The following ADGRV1 variants were observed in gnomAD, a reference collection of about 807,000 sequenced individuals.
ADGRV1 encodes G-protein coupled receptor 98.
Under a neutral mutation model 596.2 loss-of-function variants are expected in ADGRV1, and 359 were observed. The observed-to-expected ratio is 0.60, with a 90% CI of 0.55 to 0.66. The LOEUF (loss-of-function observed/expected upper bound fraction) is 0.66. ADGRV1 is among the 30% of genes least tolerant of loss of function. The pLI is 0.00. For missense variants in ADGRV1, 7,274 were observed against 7,575.6 expected, an observed-to-expected ratio of 0.96 and a Z score of 1.48; for synonymous variants, 2,681 against 2,679.2, an observed-to-expected ratio of 1.00 and a Z score of -0.02.
At chr5:91,154,478 G>A (rs1796305314) in intron 89 of ADGRV1, among the ~76,000 whole-genome samples, 1 of 152,154 alleles carries the variant, frequency 6.6e-6, no homozygotes, top group African/African-American at 2.4e-5. Flanking sequence ...ACCTTCCCAA[G>A]GTTACATAGT....
chr5:91,128,052 A>C (rs143310897), intron 87 of ADGRV1, among the ~76,000 whole-genome samples: 2,451 of 152,026 alleles, frequency 0.016, 29 homozygotes, highest in African/African-American at 0.03. Context: ...GCCTTTGGAC[A>C]TGTTGTCTGA....
rs1759670726 is a variant in ADGRV1 at position 90,788,104 on chromosome 5, G to A, written c.13687G>A (p.Glu4563Lys). Residue 4563 changes from glutamate to lysine, a missense_variant, in exon 68 of 90, where the codon GAA becomes AAA. Transcript: ENST00000405460. ...NWETVGPNSQ[E>K]ALLPQNRDIA... ...GGAGACAGTAGGACCCAACTCTCAA[G>A]AAGCCTTACTGCCACAGAATAGAGA... The A allele has an allele frequency of 6.2e-7, 1 of 1,613,002 alleles. No individual in the cohort carries two copies. Among genetic ancestry groups the A allele is most frequent in the Non-Finnish European group, 8.5e-7 (1 of 1,179,400 alleles).
At chr5:90,997,922 A>G (rs1427234378) in intron 85 of ADGRV1, among the ~76,000 whole-genome samples, 2 of 152,326 alleles carry the variant, frequency 1.3e-5, no homozygotes, top group South Asian at 2.1e-4. Flanking sequence ...GCAGGGGACA[A>G]TAAGTGAGAG....
At chr5:90,661,605 A>G (rs1770307150) in intron 21 of ADGRV1, among the ~76,000 whole-genome samples, 1 of 152,214 alleles carries the variant, frequency 6.6e-6, no homozygotes, top group Admixed American at 6.5e-5. Context: ...CTAAGAAAAT[A>G]GGTTTCAAAA....
rs748741006 is a variant in ADGRV1, at chr5:90,689,887, G to A, written c.6517G>A (p.Asp2173Asn). Residue 2173 changes from aspartate (D) to asparagine (N), a missense_variant, in exon 30 of 90, where the codon GAT becomes AAT. Asp to Asn is a conservative substitution (Grantham distance 23, BLOSUM62 1). Transcript: ENST00000405460. Reference protein sequence around the residue: ...AGEDYSIASSDVVLLEGETSK... With the variant: ...AGEDYSIASSNVVLLEGETSK... ...TGAAGATTATAGTATAGCTTCATCA[G>A]ATGTGGTCTTGCTAGAAGGGGAAAC... 1.6e-5 allele frequency: 25 copies of A among 1,612,840 alleles called. No homozygotes were observed. Among genetic ancestry groups the A allele is most frequent in the Non-Finnish European group, 2.1e-5 (25 of 1,179,278 alleles).
intron 8 of ADGRV1, 54 bp from the exon 9 acceptor site, chr5:90,629,156 G>T: frequency 1.1e-6 from 1 of 938,088 alleles, no homozygotes; most frequent in South Asian, 3.0e-5. Flanking sequence ...TACAGAGTTT[G>T]ATCATCTCAG....
In ADGRV1 at chr5:90,697,145, A is replaced by C. The variant is rs1466124361; in HGVS notation, c.8154A>C (p.Glu2718Asp). 1.2e-6 allele frequency: 2 copies of C among 1,609,812 alleles called. No individual in the cohort carries two copies. Among genetic ancestry groups the C allele is most frequent in the Non-Finnish European group, 1.7e-6 (2 of 1,177,324 alleles). ...CTTCCAGATCTGTCATAGGTCATGA[A>C]GGTGGGTTCCTTTTTTTGTTAAGCA... Reference protein sequence around the residue: ...QTASRSVIGHEGEILQFHVIR... With the variant: ...QTASRSVIGHDGEILQFHVIR... The change falls in exon 34 of 90, where the codon GAA becomes GAC. Residue 2718 changes from glutamate to aspartate, a missense_variant and splice_region_variant. By Grantham distance (45) the Glu-to-Asp change is conservative. Around this residue, in one of 5 missense-constraint regions of ADGRV1, gnomAD observed 3,643 missense variants for 3,809.2 expected, o/e 0.96. Transcript: ENST00000405460.
At chr5:91,072,716 T>G (rs1287514226) in intron 86 of ADGRV1, 112 bp downstream of exon 86, 1 of 1,076,788 alleles carries the variant, frequency 9.3e-7, no homozygotes, top group Non-Finnish European at 1.4e-6. Context: ...CTTTCAGCTC[T>G]GAAGCCACAA....
rs139685821 is a variant in ADGRV1 at position 90,719,756 on chromosome 5, A to G, written c.9448-292A>G. Among the ~76,000 whole-genome samples, 507 of 152,358 alleles carry G rather than the reference A, an allele frequency of 3.3e-3. No homozygotes were observed. Among genetic ancestry groups the G allele is most frequent in the African/African-American group, 0.011 (462 of 41,592 alleles). ...CAAGTTATGTAGCCAGAGCAGGACA[A>G]AAAGTTCACAAAAATGAAGACATAG... On this transcript the variant is annotated intron_variant, in intron 43 of 89. Transcript: ENST00000405460.
At chr5:90,957,925 AATATATC>A (rs1265905344) in intron 83 of ADGRV1, among the ~76,000 whole-genome samples, 1 of 151,928 alleles carries the variant, frequency 6.6e-6, no homozygotes, top group Non-Finnish European at 1.5e-5. Flanking sequence ...TCAAAAGGAT[AATATATC>A]ACAACAGAAT....
intron 59 of ADGRV1, among the ~76,000 whole-genome samples, chr5:90,766,061 C>T (rs1355356830): frequency 2.0e-5 from 3 of 152,190 alleles, no homozygotes; most frequent in Admixed American, 6.5e-5. Context: ...AGGCGCCCGC[C>T]ACCACACCTG....
At chr5:91,049,837 T>G (rs1454859220) in intron 85 of ADGRV1, among the ~76,000 whole-genome samples, 1 of 152,192 alleles carries the variant, frequency 6.6e-6, no homozygotes, top group Non-Finnish European at 1.5e-5. Flanking sequence ...CAGGGCCAAC[T>G]TTAGGGCTTG....
At chr5:90,636,610 T>C (rs1337913235) in intron 10 of ADGRV1, among the ~76,000 whole-genome samples, 2 of 152,224 alleles carry the variant, frequency 1.3e-5, no homozygotes, top group East Asian at 3.9e-4. Flanking sequence ...TTCTTCCCTG[T>C]TGGGAAACAG....
chr5:90,785,150 G>A (rs1759289592), intron 67 of ADGRV1, among the ~76,000 whole-genome samples: 1 of 152,108 alleles, frequency 6.6e-6, no homozygotes, highest in Non-Finnish European at 1.5e-5. Context: ...AACAAGCAAT[G>A]GGGAAAGGAT....
At chr5:90,685,561 C>T (rs1561523840) in intron 28 of ADGRV1, among the ~76,000 whole-genome samples, 2 of 151,700 alleles carry the variant, frequency 1.3e-5, no homozygotes, top group East Asian at 3.9e-4. Flanking sequence ...CTCCAACACT[C>T]CAGCACTCCA....
intron 69 of ADGRV1, 143 bp from the exon 70 acceptor site, chr5:90,790,730 A>G (rs1185547675): frequency 3.4e-6 from 2 of 583,904 alleles, no homozygotes; most frequent in Non-Finnish European, 5.9e-6. Context: ...AAGCTAACAT[A>G]TACTTAGAGA....
At chr5:90,711,938 A>T (rs1342811353) in intron 41 of ADGRV1, among the ~76,000 whole-genome samples, 1 of 151,556 alleles carries the variant, frequency 6.6e-6, no homozygotes, top group Non-Finnish European at 1.5e-5. Context: ...CACCATGCTA[A>T]TTTTTTTTGT....
intron 66 of ADGRV1, 90 bp from the exon 67 acceptor site, chr5:90,783,748 A>G: frequency 1.0e-6 from 1 of 962,206 alleles, no homozygotes; most frequent in Non-Finnish European, 1.5e-6. Context: ...TTGAATATGT[A>G]TGACCAATTT....
intron 83 of ADGRV1, among the ~76,000 whole-genome samples, chr5:90,942,527 G>A (rs900676510): frequency 2.6e-5 from 4 of 152,090 alleles, no homozygotes; most frequent in African/African-American, 9.7e-5. Context: ...GTGGGGTCAG[G>A]TTAAAGATTG....
Sources: allele counts gnomAD v4.1 joint callset (sites outside exome capture counted in the v4.1 genomes callset), GRCh38; gene constraint gnomAD v4.1.1; regional missense constraint gnomAD v4.1.1; transcripts MANE v1.5; gene names NCBI Gene and HGNC (gene_info 2026-07-23, HGNC 2026-07-21).